HS3ST5: variants seen among roughly 807,000 people sequenced by gnomAD.
HS3ST5 encodes heparan sulfate-glucosamine 3-sulfotransferase 5, also known as heparan sulfate glucosamine 3-O-sulfotransferase 5.
A neutral mutation model predicts 25.4 loss-of-function variants in HS3ST5; 10 were observed. That is an observed-to-expected ratio of 0.39 (90% CI 0.24 to 0.67). The LOEUF is 0.67. Among genes scored for constraint, HS3ST5 ranks in the 30% least tolerant of loss-of-function variants. HS3ST5 has a pLI of 0.44. For synonymous variants in HS3ST5, 170 were observed against 162.4 expected (o/e 1.05, Z -0.36); for missense variants, 324 against 420.7 (o/e 0.77, Z 2.01).
At chr6:114,144,141 G>A (rs9488336) in intron 3 of HS3ST5, among the ~76,000 whole-genome samples, 34,723 of 152,026 alleles carry the variant, frequency 0.23, 4,127 homozygotes, top group Middle Eastern at 0.3. Context: ...TGTAGCCTGA[G>A]CAGACTGTCA....
intron 1 of HS3ST5, among the ~76,000 whole-genome samples, chr6:114,251,025 T>C (rs933331642): frequency 3.9e-5 from 6 of 152,108 alleles, no homozygotes; most frequent in African/African-American, 1.4e-4. Context: ...ACCCCTGAAA[T>C]GAAATTTTCA....
At chr6:114,084,836 T>TG in intron 3 of HS3ST5, 1 of 477,640 alleles carries the variant, frequency 2.1e-6, no homozygotes, top group East Asian at 4.0e-5. Flanking sequence ...TTCTTTTCTT[T>TG]TTTTTTTTTT....
chr6:114,286,656 C>T (rs1262508860), intron 1 of HS3ST5, among the ~76,000 whole-genome samples: 1 of 151,958 alleles, frequency 6.6e-6, no homozygotes, highest in Non-Finnish European at 1.5e-5. Context: ...TTCCCTTTTA[C>T]AAACTAGCAT....
intron 3 of HS3ST5, chr6:114,084,834 T>TTC: frequency 5.4e-6 from 1 of 185,822 alleles, no homozygotes. Context: ...TTTTCTTTTC[T>TTC]TTTTTTTTTT....
chr6:114,200,918 A>G (rs6936717), intron 2 of HS3ST5, among the ~76,000 whole-genome samples: 63,802 of 151,938 alleles, frequency 0.42, 14,501 homozygotes, highest in South Asian at 0.65. Flanking sequence ...AACCAGTACT[A>G]TTTTGTACAT....
At chr6:114,156,886 C>A (rs1485172461) in intron 3 of HS3ST5, among the ~76,000 whole-genome samples, 1 of 152,144 alleles carries the variant, frequency 6.6e-6, no homozygotes, top group East Asian at 1.9e-4. Context: ...CTAGGCCTTT[C>A]TCCTCTCACT....
In HS3ST5 at chr6:114,057,421, A is replaced by G. The variant is rs758350596; in HGVS notation, c.877T>C (p.Tyr293His). Residue 293 changes from tyrosine to histidine, a missense_variant, in exon 5 of 5, where the codon TAC becomes CAC. This residue lies in a region of HS3ST5 where 203 missense variants were observed against 303.4 expected (regional missense o/e 0.67). Coordinates refer to ENST00000312719, the MANE Select transcript of HS3ST5 (RefSeq NM_153612.4). The stretch of plus-strand genomic sequence containing the variant: ...AAGATAATATTAAACCGCAAGCAGT[A>G]AAACCCTCTGGTAGCATTGAAGTAT... ...NLYFNATRGF[Y>H]CLRFNIIFNK... 1.8e-4 allele frequency: 298 copies of G among 1,614,100 alleles called. 2 individuals carry two copies. Among genetic ancestry groups the G allele is most frequent in the Non-Finnish European group, 2.0e-5 (24 of 1,180,042 alleles).
chr6:114,298,875 T>G (rs919978727), intron 1 of HS3ST5, among the ~76,000 whole-genome samples: 3 of 151,954 alleles, frequency 2.0e-5, no homozygotes, highest in Non-Finnish European at 4.4e-5. Context: ...AGCTGAGGAG[T>G]ATGTATGTCA....
chr6:114,218,662 G>T (rs915415466), intron 2 of HS3ST5, among the ~76,000 whole-genome samples: 11 of 152,136 alleles, frequency 7.2e-5, no homozygotes, highest in Admixed American at 7.2e-4. Context: ...ATAGCCTAAA[G>T]AAATGAAAAA....
chr6:114,274,767 C>A (rs1390585038), intron 1 of HS3ST5, among the ~76,000 whole-genome samples: 1 of 152,024 alleles, frequency 6.6e-6, no homozygotes, highest in East Asian at 1.9e-4. Context: ...AGGTGAAGGA[C>A]AAGATCAGCT....
chr6:114,121,072 T>C (rs551241691), intron 3 of HS3ST5, among the ~76,000 whole-genome samples: 1 of 152,362 alleles, frequency 6.6e-6, no homozygotes, highest in South Asian at 2.1e-4. Context: ...AATATTAATG[T>C]ACATTTGAAA....
chr6:114,099,307 T>C (rs1292366286), intron 3 of HS3ST5, among the ~76,000 whole-genome samples: 42 of 152,200 alleles, frequency 2.8e-4, no homozygotes, highest in Non-Finnish European at 1.5e-5. Flanking sequence ...ACTTAGATCA[T>C]TTGTAAGACC....
intron 1 of HS3ST5, among the ~76,000 whole-genome samples, chr6:114,322,595 A>G (rs1776011991): frequency 6.6e-6 from 1 of 152,154 alleles, no homozygotes. Flanking sequence ...AAGCAAAAGT[A>G]ATAAATGTGA....
At chr6:114,339,780 C>A (rs1776750512) in intron 1 of HS3ST5, among the ~76,000 whole-genome samples, 1 of 152,098 alleles carries the variant, frequency 6.6e-6, no homozygotes, top group Non-Finnish European at 1.5e-5. Flanking sequence ...CACATCTTAA[C>A]GACATGGTGG....
intron 1 of HS3ST5, among the ~76,000 whole-genome samples, chr6:114,260,826 G>T (rs1392368140): frequency 1.3e-5 from 2 of 151,932 alleles, no homozygotes; most frequent in African/African-American, 4.8e-5. Context: ...TTTTGTTTTT[G>T]TTTTTTGGCT....
intron 3 of HS3ST5, among the ~76,000 whole-genome samples, chr6:114,127,401 C>T (rs1777095147): frequency 1.3e-5 from 2 of 152,152 alleles, no homozygotes; most frequent in African/African-American, 4.8e-5. Flanking sequence ...TGATCCATTC[C>T]TTGCCCTTGT....
intron 1 of HS3ST5, among the ~76,000 whole-genome samples, chr6:114,337,385 TC>T (rs1776651396): frequency 6.6e-6 from 1 of 152,178 alleles, no homozygotes; most frequent in African/African-American, 2.4e-5. Context: ...AAACTCAGAT[TC>T]CTTTGGCAAG....
At chr6:114,219,450 T>A (rs1010021372) in intron 2 of HS3ST5, among the ~76,000 whole-genome samples, 1 of 152,058 alleles carries the variant, frequency 6.6e-6, no homozygotes, top group Admixed American at 6.6e-5. Context: ...AAAAAAAATG[T>A]TGCCTTCTAA....
At chr6:114,244,222 T>A (rs1772276794) in intron 1 of HS3ST5, among the ~76,000 whole-genome samples, 1 of 152,238 alleles carries the variant, frequency 6.6e-6, no homozygotes, top group African/African-American at 2.4e-5. Flanking sequence ...TCACTATTAT[T>A]TTTTAGCAAT....
Sources: allele counts gnomAD v4.1 joint callset (sites outside exome capture counted in the v4.1 genomes callset), GRCh38; gene constraint gnomAD v4.1.1; regional missense constraint gnomAD v4.1.1; transcripts MANE v1.5; gene names NCBI Gene and HGNC (gene_info 2026-07-23, HGNC 2026-07-21).